Variants in DNAH3 observed in about 807,000 individuals in gnomAD.
The protein encoded by DNAH3 is dynein axonemal heavy chain 3, also known as axonemal beta dynein heavy chain 3.
Under a neutral mutation model 432.5 loss-of-function variants are expected in DNAH3, and 332 were observed. The observed-to-expected ratio is 0.77, with a 90% CI of 0.70 to 0.84. The LOEUF is 0.84. Among genes scored for constraint, DNAH3 ranks in the 40% least tolerant of loss-of-function variants. DNAH3 has a pLI of 0.00. For synonymous variants in DNAH3, 1,956 were observed against 1,900.2 expected, an observed-to-expected ratio of 1.03 and a Z score of -0.76; for missense variants, 4,861 against 5,114.0, an observed-to-expected ratio of 0.95 and a Z score of 1.51.
intron 37 of DNAH3, among the ~76,000 whole-genome samples, chr16:21,027,751 A>G (rs1466349992): frequency 1.3e-5 from 2 of 152,256 alleles, no homozygotes; most frequent in Admixed American, 6.5e-5. Flanking sequence ...TGCAATTTTA[A>G]TAGGAAAGCC....
intron 23 of DNAH3, among the ~76,000 whole-genome samples, chr16:21,067,776 G>A (rs11862916): frequency 3.4e-4 from 14 of 40,878 alleles, no homozygotes; most frequent in East Asian, 1.9e-3. Context: ...GGGTGGGGAG[G>A]GAGAGAGAGA....
chr16:21,049,472 C>A, intron 31 of DNAH3, 97 bp downstream of exon 31: 2 of 908,530 alleles, frequency 2.2e-6, no homozygotes, highest in Non-Finnish European at 3.5e-6. Flanking sequence ...GTCTGCCATA[C>A]AAGAGATATA....
At chr16:21,136,202 C>T (rs535988723) in intron 6 of DNAH3, 122 bp downstream of exon 7, 531 of 920,480 alleles carry the variant, frequency 5.8e-4, no homozygotes, top group Admixed American at 9.4e-4. Context: ...TTGCTTGAGC[C>T]CAGGAGTTCC....
intron 14 of DNAH3, 23 bp downstream of exon 14, chr16:21,111,603 T>C: frequency 6.3e-7 from 1 of 1,596,300 alleles, no homozygotes; most frequent in African/African-American, 1.3e-5. Context: ...CCATTGCTAT[T>C]TGTCTGCACA....
chr16:21,130,402 T>C (rs1371603975), intron 7 of DNAH3, among the ~76,000 whole-genome samples: 1 of 151,668 alleles, frequency 6.6e-6, no homozygotes, highest in African/African-American at 2.4e-5. Flanking sequence ...CTTCTGAGGT[T>C]CAAGCAATTC....
At chr16:21,152,225 T>C (rs757446525) in intron 1 of DNAH3, among the ~76,000 whole-genome samples, 11 of 151,412 alleles carry the variant, frequency 7.3e-5, no homozygotes, top group Non-Finnish European at 1.3e-4. Flanking sequence ...AGAGCGAAAC[T>C]CCATCTCAAA....
At chr16:21,068,987 C>T (rs1004225724) in intron 23 of DNAH3, among the ~76,000 whole-genome samples, 4 of 151,804 alleles carry the variant, frequency 2.6e-5, no homozygotes, top group Admixed American at 2.0e-4. Flanking sequence ...TGCAGTGGCA[C>T]GATCCCAGGT....
intron 35 of DNAH3, among the ~76,000 whole-genome samples, chr16:21,036,483 T>C (rs976921049): frequency 3.9e-5 from 6 of 152,058 alleles, no homozygotes; most frequent in Non-Finnish European, 5.9e-5. Context: ...GGTATGATCA[T>C]AGCCCACTGC....
At chr16:21,025,555 A>T (rs1371110513) in intron 38 of DNAH3, among the ~76,000 whole-genome samples, 8 of 149,530 alleles carry the variant, frequency 5.4e-5, no homozygotes, top group Admixed American at 1.3e-4. Flanking sequence ...TTATAGATAT[A>T]ATTACATTAT....
intron 41 of DNAH3, among the ~76,000 whole-genome samples, chr16:21,007,212 CTTT>C (rs1269851987): frequency 7.1e-5 from 10 of 140,590 alleles, no homozygotes; most frequent in South Asian, 2.3e-4. Flanking sequence ...TTTGTATATC[CTTT>C]TTTTTTTTTT....
chr16:21,139,669 T>C (rs2092693469), intron 5 of DNAH3, among the ~76,000 whole-genome samples: 1 of 151,794 alleles, frequency 6.6e-6, no homozygotes, highest in Non-Finnish European at 1.5e-5. Context: ...GGTTTCTCCA[T>C]GTTACCCAGG....
chr16:20,954,767 T>C, intron 55 of DNAH3, 46 bp downstream of exon 55: 1 of 1,598,472 alleles, frequency 6.3e-7, no homozygotes, highest in Non-Finnish European at 8.5e-7. Flanking sequence ...TATATGTGTC[T>C]GATATCCTTT....
At chr16:20,961,068 T>TA (rs775760442) in intron 53 of DNAH3, among the ~76,000 whole-genome samples, 1 of 150,812 alleles carries the variant, frequency 6.6e-6, no homozygotes. Flanking sequence ...GAACTCACAC[T>TA]AAAAAAAAAC....
chr16:21,043,618 A>G, intron 31 of DNAH3, among the ~76,000 whole-genome samples: 4 of 41,900 alleles, frequency 9.5e-5, no homozygotes, highest in African/African-American at 2.1e-4. Context: ...CCCATTTTGT[A>G]GGTTGCCTGT....
chr16:21,097,031 T>C (rs1020427861), intron 18 of DNAH3, among the ~76,000 whole-genome samples: 2 of 152,150 alleles, frequency 1.3e-5, no homozygotes, highest in African/African-American at 4.8e-5. Context: ...TTTACAAATG[T>C]CTATGGCACC....
exon 53 of DNAH3, chr16:20,964,968 A>G: frequency 6.2e-7 from 1 of 1,613,892 alleles, no homozygotes; most frequent in Non-Finnish European, 8.5e-7. Flanking sequence ...CCCCAAGACC[A>G]CTGATCAGTT....
At chr16:20,980,064 A>ACCCT (rs2085786812) in intron 49 of DNAH3, among the ~76,000 whole-genome samples, 2 of 151,342 alleles carry the variant, frequency 1.3e-5, no homozygotes, top group Admixed American at 1.3e-4. Context: ...ATGGTCTTTG[A>ACCCT]TCAAGTCATT....
chr16:21,000,652 C>G, intron 42 of DNAH3, 134 bp from the exon 43 acceptor site: 1 of 683,088 alleles, frequency 1.5e-6, no homozygotes, highest in Admixed American at 3.0e-5. Context: ...TCTTTAACCT[C>G]TCCATGGGCC....
chr16:20,935,265 A>T lies in DNAH3; in HGVS notation c.11997+83T>A, dbSNP rs1467989339. 11 of 1,547,232 alleles carry T rather than the reference A, an allele frequency of 7.1e-6. No homozygotes were observed. The African/African-American group carries it at 1.2e-4, about 17-fold the overall frequency. The stretch of plus-strand genomic sequence containing the variant: ...GAAGCATTTGGGTCTTAACACATCC[A>T]CATTTTTTGACTCATAAGGAAATTG... On this transcript the variant is annotated intron_variant, in intron 61 of 61. Transcript: ENST00000261383.
Sources: allele counts gnomAD v4.1 joint callset (sites outside exome capture counted in the v4.1 genomes callset), GRCh38; gene constraint gnomAD v4.1.1; transcripts MANE v1.5; gene names NCBI Gene and HGNC (gene_info 2026-07-23, HGNC 2026-07-21).